Variants in OXCT1 observed in about 807,000 individuals in gnomAD.
The protein encoded by OXCT1 is succinyl-CoA:3-ketoacid coenzyme A transferase 1, mitochondrial.
Under a neutral mutation model 69.6 loss-of-function variants are expected in OXCT1, and 27 were observed. That is an observed-to-expected ratio of 0.39 (90% CI 0.29 to 0.54). OXCT1 has a LOEUF of 0.54. Among genes scored for constraint, OXCT1 ranks in the 20% least tolerant of loss-of-function variants. OXCT1 has a pLI of 0.72. For missense variants in OXCT1, 437 were observed against 650.2 expected (o/e 0.67, Z 3.57); for synonymous variants, 202 against 217.8 (o/e 0.93, Z 0.64).
At chr5:41,764,409 CTT>C (rs1297606722) in intron 13 of OXCT1, among the ~76,000 whole-genome samples, 13 of 152,166 alleles carry the variant, frequency 8.5e-5, no homozygotes, top group Non-Finnish European at 1.2e-4. Context: ...ATCAATTCAA[CTT>C]ACTGAATGTC....
At chr5:41,825,413 T>C (rs902298069) in intron 7 of OXCT1, among the ~76,000 whole-genome samples, 2 of 152,174 alleles carry the variant, frequency 1.3e-5, no homozygotes, top group African/African-American at 2.4e-5. Context: ...AACAGTTAAG[T>C]AACTCTTGGT....
rs374934031 is a variant in OXCT1, at chr5:41,843,372, C to T, written c.565-591G>A. On this transcript the variant is annotated intron_variant, in intron 5 of 16. Transcript: ENST00000196371. ...CCTCCTTCAATAGTTTTATTATTTT[C>T]TCCATAAAAGCTTTATTTTTTTTCT... 4.1e-4 allele frequency among the ~76,000 whole-genome samples: 63 copies of T among 152,198 alleles called. No individual in the cohort carries two copies. The East Asian group carries it at 0.012, about 29-fold the overall frequency.
At chr5:41,741,414 C>A (rs1205336636) in intron 15 of OXCT1, among the ~76,000 whole-genome samples, 1 of 152,134 alleles carries the variant, frequency 6.6e-6, no homozygotes, top group South Asian at 2.1e-4. Flanking sequence ...GTTATGCAAC[C>A]TTTAGTGAAC....
intron 7 of OXCT1, among the ~76,000 whole-genome samples, chr5:41,822,424 A>T (rs964820433): frequency 2.6e-5 from 4 of 152,058 alleles, no homozygotes; most frequent in African/African-American, 9.7e-5. Flanking sequence ...ATCCCTAATA[A>T]TTTTCCTTGC....
At chr5:41,812,920 C>T (rs6861720) in intron 7 of OXCT1, among the ~76,000 whole-genome samples, 1,994 of 151,956 alleles carry the variant, frequency 0.013, 36 homozygotes, top group African/African-American at 0.042. Context: ...AACTGAGAGG[C>T]AAATATACTC....
At chr5:41,827,871 C>T (rs1484683145) in intron 7 of OXCT1, among the ~76,000 whole-genome samples, 1 of 152,166 alleles carries the variant, frequency 6.6e-6, no homozygotes, top group Non-Finnish European at 1.5e-5. Context: ...CAAAGTCTCT[C>T]CAACACTGTT....
intron 7 of OXCT1, among the ~76,000 whole-genome samples, chr5:41,810,696 C>A (rs1449985607): frequency 6.6e-6 from 1 of 152,082 alleles, no homozygotes; most frequent in Non-Finnish European, 1.5e-5. Context: ...GATAAGAATT[C>A]ATCCCTTGGT....
chr5:41,851,538 T>C (rs762000990), intron 4 of OXCT1, among the ~76,000 whole-genome samples: 5 of 152,146 alleles, frequency 3.3e-5, no homozygotes, highest in Non-Finnish European at 5.9e-5. Context: ...CAGATAGGCC[T>C]TCTGTAGGTG....
chr5:41,806,090 A>T (rs747906810), intron 8 of OXCT1, among the ~76,000 whole-genome samples: 3 of 152,046 alleles, frequency 2.0e-5, no homozygotes, highest in Non-Finnish European at 4.4e-5. Flanking sequence ...TGCTGCTGCC[A>T]ATTGCCTGTT....
chr5:41,814,130 G>GA lies in OXCT1; in HGVS notation c.733-6693dup, dbSNP rs143536269. Among the ~76,000 whole-genome samples the GA allele has an allele frequency of 2.1e-3, 303 of 147,252 alleles. 1 individual carries two copies. The highest frequency in any genetic ancestry group is 5.0e-3 in the South Asian group (23 of 4,640). ...ATAAGCTATTTTAAATCATCTTTGG[G>GA]AAAAAAAAAACAGGTAAAAACTAAA... is the stretch of plus-strand genomic sequence containing the variant. On this transcript the variant is annotated intron_variant, in intron 7 of 16. Transcript: ENST00000196371.
chr5:41,835,601 C>A (rs911047033), intron 7 of OXCT1, among the ~76,000 whole-genome samples: 3 of 152,156 alleles, frequency 2.0e-5, no homozygotes, highest in African/African-American at 7.2e-5. Flanking sequence ...CTTTTACAGG[C>A]AAACATACCA....
At chr5:41,869,533 C>T (rs1206094664) in intron 1 of OXCT1, among the ~76,000 whole-genome samples, 2 of 152,132 alleles carry the variant, frequency 1.3e-5, no homozygotes, top group Admixed American at 1.3e-4. Flanking sequence ...CAGTGGGGCA[C>T]AAAAAGGATT....
chr5:41,752,833 C>G (rs1443564894), intron 14 of OXCT1, among the ~76,000 whole-genome samples: 1 of 152,070 alleles, frequency 6.6e-6, no homozygotes, highest in East Asian at 1.9e-4. Context: ...TTCATCACAA[C>G]CTTTGGTGAA....
At chr5:41,801,626 A>G (rs1452117031) in intron 10 of OXCT1, among the ~76,000 whole-genome samples, 1 of 152,126 alleles carries the variant, frequency 6.6e-6, no homozygotes, top group African/African-American at 2.4e-5. Context: ...AAACTACATC[A>G]CATTATTTGG....
chr5:41,753,704 G>C (rs1234356925), intron 14 of OXCT1, among the ~76,000 whole-genome samples: 3 of 152,028 alleles, frequency 2.0e-5, no homozygotes, highest in Non-Finnish European at 4.4e-5. Flanking sequence ...ACCTCCATTA[G>C]ATGCTGAGCT....
chr5:41,756,266 T>C (rs192958237), intron 14 of OXCT1, among the ~76,000 whole-genome samples: 12 of 152,186 alleles, frequency 7.9e-5, no homozygotes, highest in Non-Finnish European at 1.8e-4. Context: ...TTCCTTTGTT[T>C]TTGTGGTCTG....
intron 7 of OXCT1, among the ~76,000 whole-genome samples, chr5:41,833,585 A>G (rs1001925541): frequency 1.3e-5 from 2 of 151,990 alleles, no homozygotes; most frequent in African/African-American, 4.8e-5. Context: ...TACAAAACTC[A>G]CTGGTAATAA....
intron 14 of OXCT1, among the ~76,000 whole-genome samples, chr5:41,758,614 G>A (rs56127735): frequency 2.0e-5 from 3 of 151,986 alleles, no homozygotes; most frequent in African/African-American, 7.3e-5. Context: ...AGGCTGCAGA[G>A]CAGAGGGCAT....
At chr5:41,751,072 T>C (rs1037961440) in intron 14 of OXCT1, among the ~76,000 whole-genome samples, 6 of 152,166 alleles carry the variant, frequency 3.9e-5, no homozygotes, top group African/African-American at 1.4e-4. Context: ...TTCACTTCAC[T>C]TCTAATTATT....
Sources: gnomAD v4.1 joint callset for allele counts (sites outside exome capture counted in the v4.1 genomes callset) on GRCh38, gnomAD v4.1.1 for gene constraint, MANE v1.5 for transcripts, NCBI Gene and HGNC (gene_info 2026-07-23, HGNC 2026-07-21) for gene names.